Variants in TTPA observed in about 807,000 individuals in gnomAD.
The protein encoded by TTPA is alpha tocopherol transfer protein.
A neutral mutation model predicts 25.9 loss-of-function variants in TTPA; 23 were observed. The observed-to-expected ratio is 0.89, with a 90% CI of 0.64 to 1.26. TTPA has a LOEUF of 1.26. TTPA is among the 50% of genes most tolerant of loss of function. The pLI, the probability that TTPA is intolerant of heterozygous loss-of-function variation, is 0.00. For synonymous variants in TTPA, 148 were observed against 137.3 expected (o/e 1.08, Z -0.54); for missense variants, 337 against 353.1 (o/e 0.95, Z 0.37).
chr8:63,066,136 A>G, intron 2 of TTPA, 39 bp from the exon 3 acceptor site: 2 of 1,574,974 alleles, frequency 1.3e-6, no homozygotes, highest in Non-Finnish European at 1.7e-6. Flanking sequence ...AGCATTGTGT[A>G]AAAAATCAGA....
At chr8:63,070,817 T>C (rs1253528449) in intron 2 of TTPA, among the ~76,000 whole-genome samples, 1 of 152,196 alleles carries the variant, frequency 6.6e-6, no homozygotes, top group Non-Finnish European at 1.5e-5. Context: ...CCAAGACATT[T>C]ACAAAAATAA....
At chr8:63,075,528 G>A (rs560981609) in intron 1 of TTPA, among the ~76,000 whole-genome samples, 171 of 152,038 alleles carry the variant, frequency 1.1e-3, no homozygotes, top group African/African-American at 4.1e-3. Flanking sequence ...GACCATCCTG[G>A]CCAATATGGT....
intron 1 of TTPA, among the ~76,000 whole-genome samples, chr8:63,073,833 GGA>G (rs1251233031): frequency 6.6e-6 from 1 of 152,128 alleles, no homozygotes; most frequent in Non-Finnish European, 1.5e-5. Flanking sequence ...GAAGAGCCCA[GGA>G]GCAGTATACT....
At chr8:63,067,577 A>G (rs79499575) in intron 2 of TTPA, among the ~76,000 whole-genome samples, 12,210 of 149,806 alleles carry the variant, frequency 0.082, 924 homozygotes, top group East Asian at 0.42. Flanking sequence ...CTGGCATGGG[A>G]AACTGGATAG....
At chr8:63,076,577 G>A (rs996617063) in intron 1 of TTPA, among the ~76,000 whole-genome samples, 3 of 152,118 alleles carry the variant, frequency 2.0e-5, no homozygotes, top group African/African-American at 7.2e-5. Context: ...ATGGTACAAT[G>A]AAAACAATTC....
At chr8:63,077,644 CA>C (rs1194607528) in intron 1 of TTPA, among the ~76,000 whole-genome samples, 1 of 152,196 alleles carries the variant, frequency 6.6e-6, no homozygotes, top group African/African-American at 2.4e-5. Flanking sequence ...AGTAGGTAAA[CA>C]AAGTGGGCCA....
In TTPA at chr8:63,082,141, C is replaced by T. The variant is rs546938345; in HGVS notation, c.204+3677G>A. Among the ~76,000 whole-genome samples the T allele has an allele frequency of 9.4e-3, 1,427 of 152,314 alleles. 11 individuals carry two copies. The highest frequency in any genetic ancestry group is 0.027 in the Middle Eastern group (8 of 294). ...TTCTTCACAGAACTGGAAAAAACTACTTTAAAGTTCATATTGAACCAAAAA... is the reference window on the plus strand; with the variant it reads ...TTCTTCACAGAACTGGAAAAAACTATTTTAAAGTTCATATTGAACCAAAAA... On this transcript the variant is annotated intron_variant, in intron 1 of 4. Transcript: ENST00000260116.
chr8:63,077,801 G>C (rs1351291242), intron 1 of TTPA, among the ~76,000 whole-genome samples: 3 of 152,326 alleles, frequency 2.0e-5, no homozygotes, highest in African/African-American at 7.2e-5. Context: ...GTTCTGAAGA[G>C]CACAGTGGTT....
chr8:63,072,444 G>A (rs1805497183), intron 2 of TTPA, among the ~76,000 whole-genome samples: 1 of 152,072 alleles, frequency 6.6e-6, no homozygotes, highest in Non-Finnish European at 1.5e-5. Flanking sequence ...TGTACTTTTA[G>A]TAGAGACGGG....
intron 4 of TTPA, among the ~76,000 whole-genome samples, chr8:63,063,351 A>G (rs1805338852): frequency 6.6e-6 from 1 of 152,168 alleles, no homozygotes; most frequent in African/African-American, 2.4e-5. Flanking sequence ...TTTCTGAGAT[A>G]AGGCTCCATA....
intron 1 of TTPA, among the ~76,000 whole-genome samples, chr8:63,078,315 C>T (rs933306818): frequency 1.3e-5 from 2 of 152,190 alleles, no homozygotes; most frequent in Non-Finnish European, 2.9e-5. Flanking sequence ...AGCAATAGAA[C>T]AAAGCTGGAT....
chr8:63,080,027 C>A (rs187407369), intron 1 of TTPA, among the ~76,000 whole-genome samples: 1 of 152,088 alleles, frequency 6.6e-6, no homozygotes, highest in African/African-American at 2.4e-5. Flanking sequence ...CACTCAAAAC[C>A]GCACAACTAC....
intron 1 of TTPA, among the ~76,000 whole-genome samples, chr8:63,082,367 A>C (rs1805677483): frequency 6.6e-6 from 1 of 152,178 alleles, no homozygotes; most frequent in African/African-American, 2.4e-5. Context: ...TCTTTGACAA[A>C]TCTGACAAAA....
chr8:63,066,959 C>A (rs890268428), intron 2 of TTPA, among the ~76,000 whole-genome samples: 14 of 151,808 alleles, frequency 9.2e-5, no homozygotes, highest in African/African-American at 3.4e-4. Context: ...CCTGTATTTC[C>A]AGCTACTCGG....
intron 2 of TTPA, among the ~76,000 whole-genome samples, chr8:63,070,996 T>C (rs896819217): frequency 3.2e-4 from 9 of 27,854 alleles, no homozygotes; most frequent in African/African-American, 2.8e-3. Context: ...GAAATTCAAA[T>C]AACTGGGCAT....
In TTPA at chr8:63,059,782, ATTTT is replaced by A. The variant is rs1805271603; in HGVS notation, c.*1466_*1469del. On this transcript the variant is annotated 3_prime_UTR_variant, in exon 5 of 5. Transcript: ENST00000260116. ...ATCTTTACCGGTTATTTATTTATTT[ATTTT>A]TATTTTTATTTTTTAATTTTTTTTG... 6.6e-6 allele frequency: 1 copy of A among 151,966 alleles called. No homozygotes were observed. Among genetic ancestry groups the A allele is most frequent in the Admixed American group, 6.6e-5 (1 of 15,250 alleles). 9.4% of individuals were successfully genotyped at this position (151,966 alleles called of 1,614,324 possible).
At chr8:63,067,963 G>A (rs1234241967) in intron 2 of TTPA, among the ~76,000 whole-genome samples, 1 of 152,176 alleles carries the variant, frequency 6.6e-6, no homozygotes, top group African/African-American at 2.4e-5. Context: ...TTTTATGGCT[G>A]TGTAGTACTC....
At chr8:63,082,069 A>G (rs1356906709) in intron 1 of TTPA, among the ~76,000 whole-genome samples, 1 of 152,232 alleles carries the variant, frequency 6.6e-6, no homozygotes, top group African/African-American at 2.4e-5. Flanking sequence ...ATACTGCCCA[A>G]GGTAATTTAT....
Position 63,061,344 on chromosome 8 carries a change from C to T in TTPA, c.745G>A (p.Glu249Lys), listed in dbSNP as rs1041651534. Residue 249 changes from glutamate (E) to lysine (K), a missense_variant, in exon 5 of 5, where the codon GAA (glutamate) becomes AAA (lysine). Transcript: ENST00000260116. ...DILPLEYGGE[E>K]FSMEDICQEW... ...TGACAAATGTCCTCCATGGAGAATT[C>T]TTCACCACCATATTCCAGAGGAAGA... 73 of 1,613,810 alleles carry T rather than the reference C, an allele frequency of 4.5e-5. No individual in the cohort carries two copies. In the Admixed American group the frequency reaches 1.2e-3, roughly 27 times the overall value.
Sources: gnomAD v4.1 joint callset for allele counts (sites outside exome capture counted in the v4.1 genomes callset) on GRCh38, gnomAD v4.1.1 for gene constraint, MANE v1.5 for transcripts, NCBI Gene and HGNC (gene_info 2026-07-23, HGNC 2026-07-21) for gene names.